Variants in KLF8 observed in about 807,000 individuals in gnomAD.
The protein encoded by KLF8 is Krueppel-like factor 8.
In KLF8, 10 loss-of-function variants were observed where a neutral mutation model predicts 18.2. The ratio of observed to expected loss-of-function variants is 0.55; its 90% CI spans 0.34 to 0.93. The LOEUF (loss-of-function observed/expected upper bound fraction) is 0.93, where lower values mean the gene tolerates loss of function less well. KLF8 is among the 40% of genes least tolerant of loss of function. KLF8 has a pLI of 0.02. For missense variants in KLF8, 264 were observed against 277.9 expected (o/e 0.95, Z 0.36); for synonymous variants, 109 against 97.3 (o/e 1.12, Z -0.71).
the KLF8 span, among the ~76,000 whole-genome samples, chrX:56,152,522 G>C: frequency 9.0e-6 from 1 of 111,192 alleles, no homozygotes; most frequent in Non-Finnish European, 1.9e-5. Flanking sequence ...GATAATAATA[G>C]AGGAGGGATG....
the KLF8 span, among the ~76,000 whole-genome samples, chrX:55,944,664 T>C: frequency 5.4e-5 from 6 of 110,224 alleles, no homozygotes; most frequent in Middle Eastern, 9.3e-3. Flanking sequence ...TTTCTGTGGG[T>C]TCGGTGGTGA....
the KLF8 span, among the ~76,000 whole-genome samples, chrX:56,185,669 G>T: frequency 8.9e-6 from 1 of 111,838 alleles, no homozygotes; most frequent in African/African-American, 3.2e-5. Flanking sequence ...GACTAATAGC[G>T]AATCTCTCGG....
chrX:56,221,630 G>A, the KLF8 span, among the ~76,000 whole-genome samples: 5 of 110,921 alleles, frequency 4.5e-5, no homozygotes, highest in African/African-American at 9.9e-5. Flanking sequence ...GTAGACCTTC[G>A]CAGTGAGTGT....
the KLF8 span, among the ~76,000 whole-genome samples, chrX:56,220,314 T>C: frequency 7.2e-5 from 8 of 111,781 alleles, no homozygotes; most frequent in Non-Finnish European, 1.5e-4. Flanking sequence ...AAATGCAAAT[T>C]ATTGGGTTCC....
chrX:56,176,450 T>C, the KLF8 span, among the ~76,000 whole-genome samples: 1 of 112,072 alleles, frequency 8.9e-6, no homozygotes, highest in African/African-American at 3.2e-5. Context: ...TTCTGGCTTG[T>C]AGAGTCTCTG....
chrX:56,241,438 A>G (rs935674249), intron 1 of KLF8, among the ~76,000 whole-genome samples: 1 of 112,050 alleles, frequency 8.9e-6, no homozygotes, highest in African/African-American at 3.2e-5. Context: ...AAGTGCTAGG[A>G]CTACAGGCAT....
chrX:56,006,297 G>A, the KLF8 span, among the ~76,000 whole-genome samples: 44 of 111,900 alleles, frequency 3.9e-4, 1 homozygote, highest in Non-Finnish European at 4.7e-4. Context: ...GGTGAAAGTA[G>A]GTTGCTCCTC....
At chrX:56,082,762 C>T in the KLF8 span, among the ~76,000 whole-genome samples, 66 of 111,297 alleles carry the variant, frequency 5.9e-4, no homozygotes, top group Non-Finnish European at 3.6e-4. Flanking sequence ...CTTTTTCTTA[C>T]GGTACAATTT....
the KLF8 span, among the ~76,000 whole-genome samples, chrX:55,952,880 T>A: frequency 8.9e-6 from 1 of 111,782 alleles, no homozygotes; most frequent in African/African-American, 3.3e-5. Context: ...ATTATCTCAG[T>A]TGAACTTATG....
At chrX:56,194,774 A>G in the KLF8 span, among the ~76,000 whole-genome samples, 2 of 112,345 alleles carry the variant, frequency 1.8e-5, no homozygotes, top group African/African-American at 3.2e-5. Flanking sequence ...CCTGACCCCC[A>G]TGTAAACTAA....
chrX:56,116,244 C>T, the KLF8 span, among the ~76,000 whole-genome samples: 1 of 112,640 alleles, frequency 8.9e-6, no homozygotes, highest in East Asian at 2.8e-4. Context: ...CTGGCAGGAA[C>T]AGGTGTGATG....
chrX:55,916,390 G>C, the KLF8 span, among the ~76,000 whole-genome samples: 17 of 111,843 alleles, frequency 1.5e-4, no homozygotes, highest in Non-Finnish European at 2.4e-4. Flanking sequence ...AGGGTTGACT[G>C]TGCTCCCAGT....
the KLF8 span, among the ~76,000 whole-genome samples, chrX:56,157,861 GT>G: frequency 9.0e-6 from 1 of 111,479 alleles, no homozygotes; most frequent in South Asian, 3.7e-4. Context: ...TCTGATGGTA[GT>G]TTCTTTTGCT....
the KLF8 span, among the ~76,000 whole-genome samples, chrX:56,063,565 G>T: frequency 9.0e-6 from 1 of 111,636 alleles, no homozygotes; most frequent in African/African-American, 3.3e-5. Flanking sequence ...CCACCAGAAG[G>T]CAGCCAGAGC....
the KLF8 span, among the ~76,000 whole-genome samples, chrX:56,038,369 C>A: frequency 8.9e-6 from 1 of 111,732 alleles, no homozygotes. Flanking sequence ...TGGTGTCACT[C>A]ACCCCACACA....
the KLF8 span, among the ~76,000 whole-genome samples, chrX:56,185,303 G>A: frequency 3.6e-5 from 4 of 111,913 alleles, no homozygotes; most frequent in African/African-American, 1.3e-4. Flanking sequence ...ATGAAATGAA[G>A]TGAAAAGGGA....
chrX:56,079,995 T>G, the KLF8 span, among the ~76,000 whole-genome samples: 6 of 111,391 alleles, frequency 5.4e-5, no homozygotes, highest in African/African-American at 9.8e-5. Flanking sequence ...GTTTTCCATT[T>G]GCTTGGTAGA....
chrX:56,259,573 C>T (rs747207006), intron 2 of KLF8, among the ~76,000 whole-genome samples: 1 of 110,285 alleles, frequency 9.1e-6, no homozygotes, highest in Non-Finnish European at 1.9e-5. Flanking sequence ...TAGAAAACCC[C>T]AACTGTCTCG....
chrX:55,996,482 G>A, the KLF8 span, among the ~76,000 whole-genome samples: 2 of 111,986 alleles, frequency 1.8e-5, no homozygotes, highest in Non-Finnish European at 3.8e-5. Context: ...TTTCTCATCT[G>A]TGTGGGATGA....
Sources: gnomAD v4.1 joint callset for allele counts (sites outside exome capture counted in the v4.1 genomes callset) on GRCh38, gnomAD v4.1.1 for gene constraint, MANE v1.5 for transcripts, NCBI Gene and HGNC (gene_info 2026-07-23, HGNC 2026-07-21) for gene names.